The following PIP5K1B variants were observed in gnomAD, a reference collection of about 807,000 sequenced individuals.
The protein encoded by PIP5K1B is phosphatidylinositol-4-phosphate 5-kinase type 1 beta.
In PIP5K1B, 42 loss-of-function variants were observed where a neutral mutation model predicts 67.0. The ratio of observed to expected loss-of-function variants is 0.63; its 90% confidence interval spans 0.49 to 0.81. The LOEUF is 0.81. Among genes scored for constraint, PIP5K1B ranks in the 30% least tolerant of loss-of-function variants. PIP5K1B has a pLI of 0.00. For missense variants in PIP5K1B, 459 were observed against 646.3 expected (o/e 0.71, Z 3.14); for synonymous variants, 214 against 231.4 (o/e 0.92, Z 0.68).
chr9:68,805,392 C>G (rs1410402477), intron 2 of PIP5K1B, among the ~76,000 whole-genome samples: 6 of 152,166 alleles, frequency 3.9e-5, no homozygotes, highest in Non-Finnish European at 5.9e-5. Context: ...CTGTGGTGCT[C>G]CTTCTGGTGA....
At chr9:68,834,475 G>T (rs372674910) in intron 4 of PIP5K1B, among the ~76,000 whole-genome samples, 1 of 152,170 alleles carries the variant, frequency 6.6e-6, no homozygotes, top group South Asian at 2.1e-4. Context: ...GTTATGTCCT[G>T]CCAACTGCAC....
chr9:68,938,282 C>T (rs888739204), intron 13 of PIP5K1B, among the ~76,000 whole-genome samples: 1 of 152,166 alleles, frequency 6.6e-6, no homozygotes, highest in African/African-American at 2.4e-5. Context: ...CTGGGTTCTC[C>T]TGTATTGGGT....
chr9:68,777,789 T>C (rs920687916), intron 2 of PIP5K1B, among the ~76,000 whole-genome samples: 2 of 152,254 alleles, frequency 1.3e-5, no homozygotes, highest in Non-Finnish European at 2.9e-5. Flanking sequence ...TGTAGTAATA[T>C]GAAGTTAACA....
At chr9:68,724,933 A>C (rs1389036509) in intron 1 of PIP5K1B, among the ~76,000 whole-genome samples, 1 of 152,208 alleles carries the variant, frequency 6.6e-6, no homozygotes, top group Non-Finnish European at 1.5e-5. Flanking sequence ...GGTTTATATC[A>C]GTTGATGTAC....
At chr9:68,830,512 A>C (rs1834254556) in intron 4 of PIP5K1B, among the ~76,000 whole-genome samples, 1 of 152,142 alleles carries the variant, frequency 6.6e-6, no homozygotes, top group African/African-American at 2.4e-5. Flanking sequence ...TTCGCTTTGG[A>C]GGGGGCCTCC....
chr9:68,796,314 T>C (rs939670860), intron 2 of PIP5K1B, among the ~76,000 whole-genome samples: 25 of 6,356 alleles, frequency 3.9e-3, no homozygotes, highest in Non-Finnish European at 0.019. Flanking sequence ...TTTTCAATTT[T>C]TTCCTCAATT....
intron 6 of PIP5K1B, among the ~76,000 whole-genome samples, chr9:68,886,763 C>T (rs192291580): frequency 1.0e-3 from 156 of 152,318 alleles, no homozygotes; most frequent in African/African-American, 3.3e-3. Flanking sequence ...TGTCCTTCTA[C>T]GGTGGTTTCC....
At chr9:68,729,998 CTAACATTT>C (rs1285500705) in intron 1 of PIP5K1B, among the ~76,000 whole-genome samples, 2 of 151,916 alleles carry the variant, frequency 1.3e-5, no homozygotes, top group Non-Finnish European at 2.9e-5. Context: ...ACTTCGATAT[CTAACATTT>C]GGGGAAATGA....
At chr9:68,780,176 G>T in intron 2 of PIP5K1B, 1 of 1,525,388 alleles carries the variant, frequency 6.6e-7, no homozygotes. Flanking sequence ...TGGCTCAGGA[G>T]AAGATGGAGC....
At chr9:68,716,540 T>C (rs2132251291) in intron 1 of PIP5K1B, among the ~76,000 whole-genome samples, 1 of 152,248 alleles carries the variant, frequency 6.6e-6, no homozygotes, top group East Asian at 1.9e-4. Flanking sequence ...AGATACCATC[T>C]CATACCAGTC....
At chr9:68,814,068 GA>G (rs1158804844) in intron 2 of PIP5K1B, among the ~76,000 whole-genome samples, 2 of 152,130 alleles carry the variant, frequency 1.3e-5, no homozygotes, top group Non-Finnish European at 2.9e-5. Context: ...TGGGGAGCTG[GA>G]GGAAGAGTGC....
intron 6 of PIP5K1B, among the ~76,000 whole-genome samples, chr9:68,884,097 A>G (rs1824334694): frequency 6.6e-6 from 1 of 152,160 alleles, no homozygotes; most frequent in South Asian, 2.1e-4. Flanking sequence ...TTAGGCAGTG[A>G]TTTCCTGAAT....
intron 1 of PIP5K1B, among the ~76,000 whole-genome samples, chr9:68,738,362 GA>G (rs1828845362): frequency 6.6e-6 from 1 of 152,204 alleles, no homozygotes; most frequent in African/African-American, 2.4e-5. Context: ...CTTGTATAGT[GA>G]AAATGACTTT....
chr9:68,903,616 G>T (rs759227041), intron 8 of PIP5K1B, among the ~76,000 whole-genome samples: 5 of 152,168 alleles, frequency 3.3e-5, no homozygotes, highest in Non-Finnish European at 7.3e-5. Flanking sequence ...TAGTTCTGCT[G>T]AAAGTAGGGA....
chr9:68,835,625 C>T (rs1834561497), intron 4 of PIP5K1B, among the ~76,000 whole-genome samples: 1 of 152,174 alleles, frequency 6.6e-6, no homozygotes, highest in Non-Finnish European at 1.5e-5. Context: ...CCACCTACTC[C>T]ATATTGGGAT....
chr9:68,864,919 C>T (rs572261627), intron 5 of PIP5K1B, among the ~76,000 whole-genome samples: 3 of 150,850 alleles, frequency 2.0e-5, no homozygotes, highest in Non-Finnish European at 4.5e-5. Context: ...GTGTCCTCAT[C>T]ACCTTATTAA....
At chr9:69,005,126 A>G (rs538841695) in intron 15 of PIP5K1B, among the ~76,000 whole-genome samples, 1 of 152,290 alleles carries the variant, frequency 6.6e-6, no homozygotes, top group South Asian at 2.1e-4. Flanking sequence ...TTAAAAAAAA[A>G]AAACTAAACT....
chr9:68,841,233 A>C (rs1821904785), intron 4 of PIP5K1B, among the ~76,000 whole-genome samples: 1 of 152,250 alleles, frequency 6.6e-6, no homozygotes, highest in Admixed American at 6.5e-5. Context: ...ACTGAAAAGC[A>C]AATGTGGCTC....
At chr9:68,941,242 T>C (rs1007763674) in intron 14 of PIP5K1B, 3 of 382,294 alleles carry the variant, frequency 7.8e-6, no homozygotes, top group African/African-American at 2.1e-5. Context: ...AACCTGTGAA[T>C]ATGTTACCTT....
Sources: allele counts gnomAD v4.1 joint callset (sites outside exome capture counted in the v4.1 genomes callset), GRCh38; gene constraint gnomAD v4.1.1; transcripts MANE v1.5; gene names NCBI Gene and HGNC (gene_info 2026-07-23, HGNC 2026-07-21).